APOO: variants seen among roughly 807,000 people sequenced by gnomAD.
APOO encodes MICOS complex subunit MIC26.
In APOO, 11 loss-of-function variants were observed where a neutral mutation model predicts 23.1. The observed-to-expected ratio is 0.48, with a 90% CI of 0.30 to 0.79. The LOEUF is 0.79. Ranked by LOEUF, APOO falls within the 30% of genes least tolerant of loss-of-function variation. APOO has a pLI of 0.07. For synonymous variants in APOO, 59 were observed against 54.8 expected, an observed-to-expected ratio of 1.08 and a Z score of -0.34; for missense variants, 160 against 142.7, an observed-to-expected ratio of 1.12 and a Z score of -0.62.
chrX:23,835,016 C>G (rs1923591705), intron 8 of APOO, among the ~76,000 whole-genome samples: 1 of 108,353 alleles, frequency 9.2e-6, no homozygotes, highest in Non-Finnish European at 1.9e-5. Flanking sequence ...AGCCACCACG[C>G]CTGGCTTTTT....
intron 1 of APOO, among the ~76,000 whole-genome samples, chrX:23,888,757 A>G (rs1308778624): frequency 9.4e-6 from 1 of 105,902 alleles, no homozygotes; most frequent in Non-Finnish European, 1.9e-5. Context: ...GGCTGAGGCA[A>G]GAGAATCGTT....
At chrX:23,852,613 CAA>C (rs63343560) in intron 7 of APOO, among the ~76,000 whole-genome samples, 35 of 90,576 alleles carry the variant, frequency 3.9e-4, no homozygotes, top group African/African-American at 5.8e-4. Flanking sequence ...GACTCTGTCT[CAA>C]AAAAAAAAAA....
At chrX:23,868,009 A>G (rs1925422443) in intron 5 of APOO, among the ~76,000 whole-genome samples, 1 of 112,596 alleles carries the variant, frequency 8.9e-6, no homozygotes, top group South Asian at 3.6e-4. Context: ...ATTTTATATC[A>G]TAAACATTTA....
At chrX:23,879,853 C>G (rs1378630824) in intron 2 of APOO, among the ~76,000 whole-genome samples, 1 of 111,241 alleles carries the variant, frequency 9.0e-6, no homozygotes, top group Non-Finnish European at 1.9e-5. Context: ...CTCAAAAATG[C>G]CACTGTGCCA....
chrX:23,906,137 T>G (rs1414966531), intron 1 of APOO, among the ~76,000 whole-genome samples: 1 of 112,481 alleles, frequency 8.9e-6, no homozygotes, highest in Admixed American at 9.4e-5. Flanking sequence ...AGTGAGGAAG[T>G]CCAACCTAGG....
intron 1 of APOO, among the ~76,000 whole-genome samples, chrX:23,891,907 T>C (rs1162319677): frequency 9.2e-6 from 1 of 108,150 alleles, no homozygotes; most frequent in Non-Finnish European, 1.9e-5. Context: ...TAAGTATATA[T>C]AATACTTTAT....
intron 7 of APOO, among the ~76,000 whole-genome samples, chrX:23,851,665 A>G (rs917306737): frequency 8.9e-6 from 1 of 112,525 alleles, no homozygotes; most frequent in Non-Finnish European, 1.9e-5. Context: ...TAGTTCTGAC[A>G]AAAAGTTCAT....
At chrX:23,835,310 G>A (rs756614732) in intron 8 of APOO, among the ~76,000 whole-genome samples, 14 of 110,964 alleles carry the variant, frequency 1.3e-4, no homozygotes, top group Middle Eastern at 4.6e-3. Flanking sequence ...TGATTCACCC[G>A]CCTCAGCCTC....
chrX:23,852,511 G>A (rs1185256523), intron 7 of APOO, among the ~76,000 whole-genome samples: 4 of 109,847 alleles, frequency 3.6e-5, no homozygotes, highest in Non-Finnish European at 7.6e-5. Context: ...CTACTCGTGA[G>A]GCTGAGGCAG....
intron 4 of APOO, among the ~76,000 whole-genome samples, chrX:23,869,795 C>CA (rs1406779426): frequency 9.3e-6 from 1 of 107,771 alleles, no homozygotes; most frequent in Non-Finnish European, 1.9e-5. Context: ...ACTAAAAATA[C>CA]AAAAAAATTA....
rs186204235 is a variant in APOO at position 23,849,397 on chromosome X, G to A, written c.561+6905C>T. 1.4e-4 allele frequency among the ~76,000 whole-genome samples: 15 copies of A among 107,816 alleles called. No homozygotes were observed. In the South Asian group the frequency reaches 4.2e-3, roughly 30 times the overall value. 93.6% of individuals were successfully genotyped at this position (107,816 alleles called of 115,157 possible). A position where few individuals can be genotyped will look rare whatever the true frequency, so the allele number is the denominator to read the frequency against. On this transcript the variant is annotated intron_variant, in intron 7 of 8. Transcript: ENST00000379226. ...AAACAGGATCTGGTTCAAGTAGCCCGTGCATCCAGCTGCCAATGTGCAGGG... is the reference window on the plus strand; with the variant it reads ...AAACAGGATCTGGTTCAAGTAGCCCATGCATCCAGCTGCCAATGTGCAGGG...
chrX:23,863,814 G>A (rs1925210744), intron 5 of APOO, among the ~76,000 whole-genome samples: 1 of 110,130 alleles, frequency 9.1e-6, no homozygotes, highest in African/African-American at 3.3e-5. Flanking sequence ...TAGAGCTGTG[G>A]AGCAAGGGAA....
chrX:23,871,471 C>G (rs1010256278), intron 4 of APOO, among the ~76,000 whole-genome samples: 1 of 111,270 alleles, frequency 9.0e-6, no homozygotes, highest in Non-Finnish European at 1.9e-5. Flanking sequence ...TCAGCACTCC[C>G]TATCTACTTA....
intron 1 of APOO, among the ~76,000 whole-genome samples, chrX:23,881,967 A>AT (rs1299460704): frequency 9.5e-6 from 1 of 104,995 alleles, no homozygotes; most frequent in African/African-American, 3.5e-5. Flanking sequence ...AAAAAAAAAA[A>AT]AAAAAAAAAT....
intron 5 of APOO, among the ~76,000 whole-genome samples, chrX:23,861,396 C>G (rs1233300241): frequency 9.1e-6 from 1 of 109,314 alleles, no homozygotes; most frequent in African/African-American, 3.3e-5. Context: ...GCAAGCAGCC[C>G]AAGGCCTCAC....
chrX:23,876,239 G>A (rs1185669656), intron 3 of APOO, among the ~76,000 whole-genome samples: 3 of 109,683 alleles, frequency 2.7e-5, no homozygotes, highest in Non-Finnish European at 3.8e-5. Context: ...CTCCAGCCTG[G>A]GGGACAGAGC....
chrX:23,887,639 GTACACT>G (rs1343505304), intron 1 of APOO, among the ~76,000 whole-genome samples: 2 of 111,194 alleles, frequency 1.8e-5, no homozygotes, highest in Admixed American at 9.7e-5. Context: ...TTGTTGCCAG[GTACACT>G]CCCTGGTCAG....
chrX:23,847,145 A>T (rs929897300), intron 7 of APOO, among the ~76,000 whole-genome samples: 5 of 111,391 alleles, frequency 4.5e-5, no homozygotes, highest in South Asian at 3.8e-4. Context: ...ACATCTTCAC[A>T]TGCTAGATAG....
chrX:23,882,147 T>C (rs1050951709), intron 1 of APOO, among the ~76,000 whole-genome samples: 3 of 110,825 alleles, frequency 2.7e-5, no homozygotes, highest in Admixed American at 9.7e-5. Flanking sequence ...AAGAAATCTG[T>C]AGCAAAACTG....
Sources: gnomAD v4.1 joint callset for allele counts (sites outside exome capture counted in the v4.1 genomes callset) on GRCh38, gnomAD v4.1.1 for gene constraint, MANE v1.5 for transcripts, NCBI Gene and HGNC (gene_info 2026-07-23, HGNC 2026-07-21) for gene names.